Variants in PAQR5 observed in about 807,000 individuals in gnomAD.
The protein encoded by PAQR5 is membrane progestin receptor gamma.
In PAQR5, 20 loss-of-function variants were observed where a neutral mutation model predicts 34.5. That is an observed-to-expected ratio of 0.58 (90% confidence interval 0.41 to 0.84). The LOEUF (loss-of-function observed/expected upper bound fraction) is 0.84, where lower values mean the gene tolerates loss of function less well. Ranked by LOEUF, PAQR5 falls within the 40% of genes least tolerant of loss-of-function variation. PAQR5 has a pLI of 0.00. For synonymous variants in PAQR5, 131 were observed against 155.6 expected (o/e 0.84, Z 1.18); for missense variants, 378 against 412.7 (o/e 0.92, Z 0.73).
chr15:69,341,877 A>G lies in PAQR5; in HGVS notation c.-116+4376A>G, dbSNP rs2140735837. 1.3e-5 allele frequency among the ~76,000 whole-genome samples: 2 copies of G among 151,602 alleles called. 1 individual carries two copies. Among genetic ancestry groups the G allele is most frequent in the South Asian group, 4.2e-4 (2 of 4,766 alleles). On this transcript the variant is annotated intron_variant, in intron 2 of 8. Transcript: ENST00000395407. ...GAGGATCACTTAATCCCAGGAGGTCAAGTCTGCAGTGAGGCACTCCAGCCT... is the reference window on the plus strand; with the variant it reads ...GAGGATCACTTAATCCCAGGAGGTCGAGTCTGCAGTGAGGCACTCCAGCCT...
At position 69,359,967 on chromosome 15, in the gene PAQR5, G is replaced by C; in HGVS notation, c.-114G>C. 1.3e-6 allele frequency: 1 copy of C among 772,034 alleles called. No individual in the cohort carries two copies. 47.8% of individuals were successfully genotyped at this position (772,034 alleles called of 1,614,324 possible). On this transcript the variant is annotated splice_region_variant and 5_prime_UTR_variant, in exon 3 of 9. Coordinates refer to ENST00000395407, the MANE Select transcript of PAQR5 (RefSeq NM_017705.4). ...TTTCTTCATGCTGTCCTCTTTCAGG[G>C]AAGCGGCACAGCACCAGCTAGGCAG...
intron 1 of PAQR5, among the ~76,000 whole-genome samples, chr15:69,309,276 C>T (rs1447448510): frequency 2.0e-5 from 3 of 152,044 alleles, no homozygotes; most frequent in Non-Finnish European, 4.4e-5. Flanking sequence ...AGTGGAGGAC[C>T]GTATGGAGAA....
At chr15:69,384,203 AGC>A (rs1461815109) in intron 4 of PAQR5, among the ~76,000 whole-genome samples, 2 of 81,906 alleles carry the variant, frequency 2.4e-5, no homozygotes, top group African/African-American at 5.0e-5. Flanking sequence ...GTGGAGGGTG[AGC>A]GGGGGCCCTC....
At chr15:69,300,647 T>C (rs866461646) in intron 1 of PAQR5, among the ~76,000 whole-genome samples, 4 of 28,224 alleles carry the variant, frequency 1.4e-4, no homozygotes, top group Admixed American at 4.4e-4. Flanking sequence ...CTTTCTTTCT[T>C]TCTTTTCTTT....
At position 69,362,905 on chromosome 15, in the gene PAQR5, C is replaced by T. The variant is rs529603134; in HGVS notation, c.51+2774C>T. Among the ~76,000 whole-genome samples the T allele has an allele frequency of 7.4e-4, 113 of 152,302 alleles. 3 individuals carry two copies. In the South Asian group the frequency reaches 0.022, roughly 29 times the overall value. On this transcript the variant is annotated intron_variant, in intron 3 of 8. Transcript: ENST00000395407. ...CCACCACGTCCCATCCACAGACCCTCTTCTCTTTATTCTCCCCAGGAGATG... is the reference window on the plus strand; with the variant it reads ...CCACCACGTCCCATCCACAGACCCTTTTCTCTTTATTCTCCCCAGGAGATG...
chr15:69,325,936 C>T (rs1382112002), intron 1 of PAQR5, among the ~76,000 whole-genome samples: 1 of 152,180 alleles, frequency 6.6e-6, no homozygotes, highest in Non-Finnish European at 1.5e-5. Context: ...TGTCTGTGTT[C>T]CTCTCCTTGG....
intron 3 of PAQR5, among the ~76,000 whole-genome samples, chr15:69,373,147 C>G (rs1178882796): frequency 6.6e-6 from 1 of 152,164 alleles, no homozygotes; most frequent in Non-Finnish European, 1.5e-5. Context: ...TCTTCTGCCT[C>G]CATCTTCCAT....
chr15:69,354,801 C>T (rs55841355), intron 2 of PAQR5, among the ~76,000 whole-genome samples: 3,162 of 152,254 alleles, frequency 0.021, 119 homozygotes, highest in African/African-American at 0.072. Flanking sequence ...GATCCACCCT[C>T]AGTGTGGGCA....
At chr15:69,301,759 C>T (rs1301034851) in intron 1 of PAQR5, among the ~76,000 whole-genome samples, 2 of 151,618 alleles carry the variant, frequency 1.3e-5, no homozygotes, top group Non-Finnish European at 2.9e-5. Context: ...TCTTGGCATC[C>T]CTCATTCATC....
chr15:69,322,734 GAA>G lies in PAQR5; in HGVS notation c.-276-14606_-276-14605del, dbSNP rs1187389219. On this transcript the variant is annotated intron_variant, in intron 1 of 8. Coordinates refer to ENST00000395407, the MANE Select transcript of PAQR5 (RefSeq NM_017705.4). ...AGAAGAAGAAGAAGAAGAAGAAGAA[GAA>G]GAAGAAGAAGAAGAAGAAGAAGAAG... is the stretch of plus-strand genomic sequence containing the variant. 4.0e-3 allele frequency among the ~76,000 whole-genome samples: 130 copies of G among 32,438 alleles called. 31 individuals are homozygous for G. The highest frequency in any genetic ancestry group is 9.6e-3 in the African/African-American group (108 of 11,260). 21.3% of individuals were successfully genotyped at this position (32,438 alleles called of 152,430 possible).
intron 1 of PAQR5, among the ~76,000 whole-genome samples, chr15:69,301,099 G>A (rs1469395812): frequency 1.3e-5 from 2 of 150,844 alleles, no homozygotes; most frequent in Non-Finnish European, 2.9e-5. Flanking sequence ...CGCCTCCCGG[G>A]TTCAAGCAAT....
At chr15:69,317,428 G>A (rs145893166) in intron 1 of PAQR5, among the ~76,000 whole-genome samples, 1 of 152,224 alleles carries the variant, frequency 6.6e-6, no homozygotes, top group Non-Finnish European at 1.5e-5. Context: ...TCCAGTCTCT[G>A]CTGAGGTCTG....
chr15:69,362,314 G>T (rs1257640671), intron 3 of PAQR5, among the ~76,000 whole-genome samples: 1 of 152,146 alleles, frequency 6.6e-6, no homozygotes, highest in Non-Finnish European at 1.5e-5. Flanking sequence ...ATCTGCCTTG[G>T]GCTCCAGCAT....
intron 4 of PAQR5, chr15:69,382,913 C>T (rs1442853306): frequency 1.3e-5 from 2 of 149,398 alleles, no homozygotes; most frequent in Non-Finnish European, 3.0e-5. Flanking sequence ...AGATAGATTC[C>T]AGGAGGACAG....
Position 69,404,540 on chromosome 15 carries a change from C to G in PAQR5, c.*718C>G, listed in dbSNP as rs1168300055. On this transcript the variant is annotated 3_prime_UTR_variant, in exon 9 of 9. Transcript: ENST00000395407. The stretch of plus-strand genomic sequence containing the variant: ...TCTGTTATGTTCTGTTTTCTGGTTG[C>G]CAGTTTGATCTGCAAAGTATTTTTC... The G allele has an allele frequency of 6.2e-6, 1 of 160,196 alleles. No homozygotes were observed. Among genetic ancestry groups the G allele is most frequent in the East Asian group, 1.8e-4 (1 of 5,530 alleles). 9.9% of individuals were successfully genotyped at this position (160,196 alleles called of 1,614,324 possible). A position where few individuals can be genotyped will look rare whatever the true frequency, so the allele number is the denominator to read the frequency against.
intron 4 of PAQR5, 75 bp from the exon 5 acceptor site, chr15:69,384,602 C>T (rs1319037986): frequency 4.8e-6 from 4 of 837,128 alleles, no homozygotes; most frequent in Non-Finnish European, 8.3e-6. Context: ...TGAGCGGGTC[C>T]TCTGTGTTCA....
chr15:69,311,973 G>C (rs1326930968), intron 1 of PAQR5, among the ~76,000 whole-genome samples: 1 of 152,202 alleles, frequency 6.6e-6, no homozygotes, highest in East Asian at 1.9e-4. Flanking sequence ...AGAGCCATCA[G>C]AGCATGAGTG....
chr15:69,379,273 G>A (rs1303744466), intron 3 of PAQR5: 1 of 204,498 alleles, frequency 4.9e-6, no homozygotes, highest in Admixed American at 6.5e-5. Context: ...TTTCTCAGTG[G>A]GTGTTTTTTG....
chr15:69,342,762 G>A (rs2047825), intron 2 of PAQR5, among the ~76,000 whole-genome samples: 132,857 of 152,136 alleles, frequency 0.87, 58,796 homozygotes, highest in Non-Finnish European at 0.96. Context: ...CCCCAGGGGA[G>A]GGAGAGGATC....
Sources: allele counts gnomAD v4.1 joint callset (sites outside exome capture counted in the v4.1 genomes callset), GRCh38; gene constraint gnomAD v4.1.1; transcripts MANE v1.5; gene names NCBI Gene and HGNC (gene_info 2026-07-23, HGNC 2026-07-21).